Variants in GABRR1 observed in about 807,000 individuals in gnomAD.
GABRR1 encodes gamma-aminobutyric acid receptor subunit rho-1.
GABRR1 carries 59 observed loss-of-function variants against 55.5 expected under a neutral mutation model. That is an observed-to-expected ratio of 1.06 (90% CI 0.86 to 1.32). GABRR1 has a LOEUF of 1.32. Ranked by LOEUF, GABRR1 falls within the 40% of genes most tolerant of loss-of-function variation. The probability of loss-of-function intolerance (pLI) is 0.00; values close to 1 mark genes in which losing one functional copy is unlikely to be tolerated. For missense variants in GABRR1, 602 were observed against 619.1 expected, an observed-to-expected ratio of 0.97 and a Z score of 0.29; for synonymous variants, 213 against 226.0, an observed-to-expected ratio of 0.94 and a Z score of 0.51.
intron 1 of GABRR1, among the ~76,000 whole-genome samples, chr6:89,215,795 A>C (rs1199180433): frequency 6.6e-6 from 1 of 152,244 alleles, no homozygotes; most frequent in East Asian, 1.9e-4. Context: ...TAATATATAC[A>C]ATCATAATTT....
At position 89,201,280 on chromosome 6, in the gene GABRR1, G is replaced by C. The variant is rs1772463688; in HGVS notation, c.174-15C>G. 6.4e-7 allele frequency: 1 copy of C among 1,555,412 alleles called. No homozygotes were observed. Among genetic ancestry groups the C allele is most frequent in the African/African-American group, 1.4e-5 (1 of 73,898 alleles). The stretch of plus-strand genomic sequence containing the variant: ...TCAGAATTGGGCTGCCAAGGGGGAA[G>C]AAACCAGGCTGATCATATATTCCAA... On this transcript the variant is annotated splice_polypyrimidine_tract_variant and intron_variant, in intron 2 of 9. Transcript: ENST00000454853.
intron 7 of GABRR1, among the ~76,000 whole-genome samples, chr6:89,184,464 A>G (rs1256532157): frequency 6.6e-6 from 1 of 152,158 alleles, no homozygotes; most frequent in Non-Finnish European, 1.5e-5. Context: ...TGGTTCAAAA[A>G]GGAACAACTG....
At chr6:89,198,275 G>A (rs1354053319) in intron 4 of GABRR1, 32 bp from the exon 5 acceptor site, 1 of 1,478,066 alleles carries the variant, frequency 6.8e-7, no homozygotes, top group Admixed American at 1.7e-5. Flanking sequence ...GGGAACCCCA[G>A]ACACACACAA....
At chr6:89,198,961 C>A (rs1013056858) in intron 4 of GABRR1, among the ~76,000 whole-genome samples, 1 of 151,500 alleles carries the variant, frequency 6.6e-6, no homozygotes, top group African/African-American at 2.4e-5. Flanking sequence ...TTATCTGAAC[C>A]GACCAAAAAG....
At chr6:89,187,884 G>C (rs1045257720) in intron 6 of GABRR1, among the ~76,000 whole-genome samples, 1 of 152,088 alleles carries the variant, frequency 6.6e-6, no homozygotes, top group African/African-American at 2.4e-5. Flanking sequence ...TGGACACTTG[G>C]GTTGTTTTCA....
chr6:89,201,558 T>A (rs1183567186), intron 2 of GABRR1, among the ~76,000 whole-genome samples: 1 of 152,058 alleles, frequency 6.6e-6, no homozygotes. Flanking sequence ...GGCGGGTGGA[T>A]CACGAGGTCA....
intron 3 of GABRR1, among the ~76,000 whole-genome samples, chr6:89,199,936 T>C (rs537148687): frequency 6.6e-6 from 1 of 152,306 alleles, no homozygotes; most frequent in Non-Finnish European, 1.5e-5. Context: ...AGGATGCCTG[T>C]TTTAAGGATG....
chr6:89,203,318 C>G lies in GABRR1; in HGVS notation c.173+117G>C, dbSNP rs141103541. 11 of 943,970 alleles carry G rather than the reference C, an allele frequency of 1.2e-5. No homozygotes were observed. In the African/African-American group the frequency reaches 1.6e-4, roughly 14 times the overall value. The allele number at this position is 943,970 out of a possible 1,614,324, so 58.5% of individuals were successfully genotyped here. ...AGGCTCCCCTTCCTCTGGTCCCCCA[C>G]CCTCCACTTTCTGATCCTTGGTGAG... On this transcript the variant is annotated intron_variant, in intron 2 of 9. Coordinates refer to ENST00000454853, the MANE Select transcript of GABRR1 (RefSeq NM_002042.5).
chr6:89,217,058 G>T, intron 1 of GABRR1, 143 bp downstream of exon 1: 1 of 764,188 alleles, frequency 1.3e-6, no homozygotes. Flanking sequence ...GGGAGCAGCA[G>T]GAGAACAAAG....
chr6:89,192,792 T>A (rs1772144189), intron 5 of GABRR1, among the ~76,000 whole-genome samples: 1 of 152,128 alleles, frequency 6.6e-6, no homozygotes, highest in African/African-American at 2.4e-5. Context: ...AACTCCTAAC[T>A]TCAGATGATC....
chr6:89,187,689 G>A lies in GABRR1; in HGVS notation c.656-2239C>T, dbSNP rs538484781. Among the ~76,000 whole-genome samples, 46 of 152,208 alleles carry A rather than the reference G, an allele frequency of 3.0e-4. 1 individual carries two copies. Among genetic ancestry groups the A allele is most frequent in the African/African-American group, 1.1e-3 (46 of 41,520 alleles). ...TTTCTGTCTCTATAATTTTGACTAC[G>A]CTAAGTACCTCTTAAAAGTGACATC... On this transcript the variant is annotated intron_variant, in intron 6 of 9. Coordinates refer to ENST00000454853, the MANE Select transcript of GABRR1 (RefSeq NM_002042.5).
intron 7 of GABRR1, among the ~76,000 whole-genome samples, chr6:89,183,516 A>C (rs1441205194): frequency 6.6e-6 from 1 of 152,194 alleles, no homozygotes; most frequent in African/African-American, 2.4e-5. Flanking sequence ...TAGAAACTGC[A>C]TGAAGATTTG....
intron 8 of GABRR1, 116 bp from the exon 9 acceptor site, chr6:89,180,604 C>T: frequency 2.5e-6 from 3 of 1,223,148 alleles, no homozygotes; most frequent in Admixed American, 2.5e-5. Context: ...GTCTCCATCC[C>T]TGCTCCACTG....
chr6:89,220,462 A>G (rs1388946385), upstream of GABRR1, among the ~76,000 whole-genome samples: 1 of 152,200 alleles, frequency 6.6e-6, no homozygotes, highest in Non-Finnish European at 1.5e-5. Flanking sequence ...CCAACCATGC[A>G]TCCCTCTTAC....
In GABRR1 at chr6:89,178,929, C is replaced by A; in HGVS notation, c.1281G>T (p.Leu427=). ...GGGAGCTCCTCTCTGAGGCCAGGGT[C>A]AGCTGCACCATCATCCTGTCGGGCT... is the stretch of plus-strand genomic sequence containing the variant. ...GEKPDRMMVQ[L]TLASERSSPQ... The change falls in exon 10 of 10, where the codon CTG becomes CTT. Residue 427 remains leucine, a synonymous_variant. Transcript: ENST00000454853. 6.2e-7 allele frequency: 1 copy of A among 1,614,214 alleles called. No individual in the cohort carries two copies. The highest frequency in any genetic ancestry group is 8.5e-7 in the Non-Finnish European group (1 of 1,180,028).
At chr6:89,188,617 G>GTTA (rs1404397940) in intron 6 of GABRR1, among the ~76,000 whole-genome samples, 50 of 151,828 alleles carry the variant, frequency 3.3e-4, no homozygotes, top group African/African-American at 1.2e-3. Context: ...TTTTGTTGTT[G>GTTA]TTGTTGAGTT....
At chr6:89,196,936 A>G (rs1024867429) in intron 5 of GABRR1, among the ~76,000 whole-genome samples, 1 of 152,204 alleles carries the variant, frequency 6.6e-6, no homozygotes, top group African/African-American at 2.4e-5. Flanking sequence ...TGAAGACTTC[A>G]GGGAGAACCA....
At chr6:89,209,546 G>A (rs112914370) in intron 1 of GABRR1, among the ~76,000 whole-genome samples, 2,657 of 152,224 alleles carry the variant, frequency 0.017, 43 homozygotes, top group Middle Eastern at 0.031. Context: ...GTGAAATTGC[G>A]GACGGAACAT....
intron 7 of GABRR1, among the ~76,000 whole-genome samples, chr6:89,183,154 A>C (rs1771781778): frequency 1.1e-5 from 1 of 93,926 alleles, no homozygotes; most frequent in Non-Finnish European, 2.4e-5. Flanking sequence ...TGGAAAAAAA[A>C]AAAGACAAAA....
Sources: allele counts gnomAD v4.1 joint callset (sites outside exome capture counted in the v4.1 genomes callset), GRCh38; gene constraint gnomAD v4.1.1; transcripts MANE v1.5; gene names NCBI Gene and HGNC (gene_info 2026-07-23, HGNC 2026-07-21).